Variants in SHQ1 observed in about 807,000 individuals in gnomAD.
SHQ1 encodes protein SHQ1 homolog.
Under a neutral mutation model 53.8 loss-of-function variants are expected in SHQ1, and 49 were observed. That is an observed-to-expected ratio of 0.91 (90% CI 0.72 to 1.16). SHQ1 has a LOEUF of 1.16. Ranked by LOEUF, SHQ1 falls within the 50% of genes most tolerant of loss-of-function variation. The pLI, the probability that SHQ1 is intolerant of heterozygous loss-of-function variation, is 0.00. For missense variants in SHQ1, 738 were observed against 683.1 expected (o/e 1.08, Z -0.90); for synonymous variants, 243 against 251.0 (o/e 0.97, Z 0.30).
chr3:72,826,858 A>T (rs1482726525), intron 5 of SHQ1, among the ~76,000 whole-genome samples: 2 of 152,234 alleles, frequency 1.3e-5, no homozygotes, highest in African/African-American at 2.4e-5. Context: ...AGCCATGTTT[A>T]AAAAATCTCA....
At chr3:72,828,421 G>A (rs1375104996) in intron 5 of SHQ1, among the ~76,000 whole-genome samples, 4 of 152,110 alleles carry the variant, frequency 2.6e-5, no homozygotes, top group Admixed American at 6.5e-5. Flanking sequence ...TGGGTTGGGC[G>A]TGGTGGCTCA....
chr3:72,833,467 T>G (rs1206677787), intron 4 of SHQ1, among the ~76,000 whole-genome samples: 5 of 61,164 alleles, frequency 8.2e-5, no homozygotes, highest in Admixed American at 4.4e-4. Flanking sequence ...GATAGATAGA[T>G]AGATAGATAG....
At chr3:72,807,080 A>G (rs1251175766) in intron 9 of SHQ1, among the ~76,000 whole-genome samples, 1 of 152,224 alleles carries the variant, frequency 6.6e-6, no homozygotes, top group African/African-American at 2.4e-5. Context: ...AAATCAATGA[A>G]TAAATGAACT....
chr3:72,734,559 A>C, the SHQ1 span, among the ~76,000 whole-genome samples: 1 of 151,754 alleles, frequency 6.6e-6, no homozygotes, highest in East Asian at 1.9e-4. Flanking sequence ...CCCGGCCTAC[A>C]GTAAGCCATC....
chr3:72,767,783 A>T (rs1469762668), intron 10 of SHQ1, among the ~76,000 whole-genome samples: 1 of 152,228 alleles, frequency 6.6e-6, no homozygotes, highest in Non-Finnish European at 1.5e-5. Flanking sequence ...TAAATATAGG[A>T]ATACACAGTA....
intron 4 of SHQ1, among the ~76,000 whole-genome samples, chr3:72,834,888 A>G (rs147090545): frequency 3.9e-5 from 6 of 152,252 alleles, no homozygotes; most frequent in East Asian, 1.9e-4. Flanking sequence ...TTCCTGTGCT[A>G]TAACAAATTT....
chr3:72,744,137 G>C, the SHQ1 span, among the ~76,000 whole-genome samples: 1 of 152,202 alleles, frequency 6.6e-6, no homozygotes, highest in Non-Finnish European at 1.5e-5. Flanking sequence ...CCTCTGGGCT[G>C]GTGGTCAAAC....
chr3:72,815,044 T>C (rs1002576936), intron 8 of SHQ1, among the ~76,000 whole-genome samples: 2 of 152,110 alleles, frequency 1.3e-5, no homozygotes, highest in Admixed American at 6.5e-5. Flanking sequence ...TTTGCTTCCA[T>C]CTCTGAGTTT....
intron 10 of SHQ1, among the ~76,000 whole-genome samples, chr3:72,759,129 T>C (rs1019768827): frequency 2.2e-4 from 33 of 152,200 alleles, no homozygotes; most frequent in African/African-American, 7.5e-4. Flanking sequence ...TTATGGTGGA[T>C]TAAAGGCCCA....
At chr3:72,737,438 G>T in the SHQ1 span, among the ~76,000 whole-genome samples, 1 of 152,090 alleles carries the variant, frequency 6.6e-6, no homozygotes, top group East Asian at 1.9e-4. Flanking sequence ...ATCTTTGGGG[G>T]CAGTGGCTAG....
rs1448383185 is a variant in SHQ1, at chr3:72,824,453, C to A, written c.698G>T (p.Ser233Ile). 1 of 1,612,066 alleles carries A rather than the reference C, an allele frequency of 6.2e-7. No individual in the cohort carries two copies. The change falls in exon 6 of 11, where the codon AGT becomes ATT. Residue 233 changes from serine (S) to isoleucine (I), a missense_variant. Transcript: ENST00000325599. The stretch of plus-strand genomic sequence containing the variant: ...TGTAGCATGATTTTCTTGTTCCTGA[C>A]TCTTTTCCAAAAAGGCCATCATTTT... Reference protein sequence around the residue: ...YSKMMAFLEKSQEQENHATLV... With the variant: ...YSKMMAFLEKIQEQENHATLV...
the SHQ1 span, among the ~76,000 whole-genome samples, chr3:72,725,519 C>T: frequency 1.3e-5 from 2 of 152,158 alleles, no homozygotes; most frequent in Admixed American, 6.5e-5. Context: ...TGGAGTTGCC[C>T]CCACCCCACT....
intron 6 of SHQ1, 76 bp downstream of exon 6, chr3:72,824,348 T>C: frequency 1.3e-6 from 2 of 1,529,476 alleles, no homozygotes; most frequent in East Asian, 4.6e-5. Flanking sequence ...ATACGCTTAA[T>C]AATATGGAAG....
intron 10 of SHQ1, chr3:72,772,699 C>T: frequency 1.4e-6 from 1 of 729,110 alleles, no homozygotes; most frequent in African/African-American, 1.7e-5. Flanking sequence ...TGATGGTGCA[C>T]CTCTGGAAGA....
At chr3:72,797,008 A>G (rs1706645952) in intron 9 of SHQ1, among the ~76,000 whole-genome samples, 2 of 150,656 alleles carry the variant, frequency 1.3e-5, no homozygotes, top group Admixed American at 1.3e-4. Flanking sequence ...TTGTAATCCC[A>G]GCACTCTGGG....
At position 72,848,415 on chromosome 3, in the gene SHQ1, T is replaced by G; in HGVS notation, c.-75A>C. 2 of 1,571,000 alleles carry G rather than the reference T, an allele frequency of 1.3e-6. No homozygotes were observed. Among genetic ancestry groups the G allele is most frequent in the Non-Finnish European group, 1.7e-6 (2 of 1,159,258 alleles). On this transcript the variant is annotated 5_prime_UTR_variant, in exon 1 of 11. Coordinates refer to ENST00000325599, the MANE Select transcript of SHQ1 (RefSeq NM_018130.3). The stretch of plus-strand genomic sequence containing the variant: ...GTTCCCGCCACGCAAACTCTCCAAC[T>G]CCCCACGCGCAGGAACTCTCGGTGT...
chr3:72,842,226 G>A (rs1011197531), intron 3 of SHQ1, 54 bp downstream of exon 3: 3 of 1,583,212 alleles, frequency 1.9e-6, no homozygotes, highest in Non-Finnish European at 2.6e-6. Context: ...CAAATACACA[G>A]CATTCCAAAT....
intron 10 of SHQ1, among the ~76,000 whole-genome samples, chr3:72,775,419 T>C (rs896167041): frequency 6.8e-6 from 1 of 147,986 alleles, no homozygotes; most frequent in African/African-American, 2.5e-5. Flanking sequence ...TCTGAATAAA[T>C]AGTTAAGAAT....
downstream of SHQ1, among the ~76,000 whole-genome samples, chr3:72,745,571 C>T (rs914603338): frequency 1.3e-5 from 2 of 152,144 alleles, no homozygotes; most frequent in Non-Finnish European, 2.9e-5. Context: ...TTACCACTAG[C>T]CGGCCTCTGT....
Sources: gnomAD v4.1 joint callset for allele counts (sites outside exome capture counted in the v4.1 genomes callset) on GRCh38, gnomAD v4.1.1 for gene constraint, MANE v1.5 for transcripts, NCBI Gene and HGNC (gene_info 2026-07-23, HGNC 2026-07-21) for gene names.